Variants in GIGYF2 observed in about 807,000 individuals in gnomAD.
GIGYF2 encodes the protein GRB10-interacting GYF protein 2.
In GIGYF2, 25 loss-of-function variants were observed where a neutral mutation model predicts 208.1. The observed-to-expected ratio is 0.12, with a 90% CI of 0.09 to 0.17. GIGYF2 has a LOEUF of 0.17. Among genes scored for constraint, GIGYF2 ranks in the 10% least tolerant of loss-of-function variants. The pLI is 1.00. For missense variants in GIGYF2, 1,302 were observed against 1,579.4 expected (o/e 0.82, Z 2.98); for synonymous variants, 534 against 543.8 (o/e 0.98, Z 0.25).
rs1267789222 is a variant in GIGYF2 at position 232,860,470 on chromosome 2, A to G, written c.*3610A>G. ...TATAATATATACATATATGTTATATACGTATATATATTGCACCCTACTTTA... is the reference window on the plus strand; with the variant it reads ...TATAATATATACATATATGTTATATGCGTATATATATTGCACCCTACTTTA... On this transcript the variant is annotated 3_prime_UTR_variant, in exon 29 of 29. Coordinates refer to ENST00000373563, the MANE Select transcript of GIGYF2 (RefSeq NM_001103146.3). 6.7e-6 allele frequency: 1 copy of G among 150,306 alleles called. No individual in the cohort carries two copies. The highest frequency in any genetic ancestry group is 1.5e-5 in the Non-Finnish European group (1 of 67,682). 9.3% of individuals were successfully genotyped at this position (150,306 alleles called of 1,614,324 possible). A position where few individuals can be genotyped will look rare whatever the true frequency, so the allele number is the denominator to read the frequency against.
At chr2:232,729,266 C>T (rs1408812282) in intron 2 of GIGYF2, among the ~76,000 whole-genome samples, 1 of 152,132 alleles carries the variant, frequency 6.6e-6, no homozygotes, top group African/African-American at 2.4e-5. Flanking sequence ...AGGTGTGAGG[C>T]ACTGCATCCG....
At chr2:232,710,732 CTT>C (rs199707709) in intron 2 of GIGYF2, among the ~76,000 whole-genome samples, 2,196 of 120,638 alleles carry the variant, frequency 0.018, 62 homozygotes, top group African/African-American at 0.064. Context: ...GAATTTCGCT[CTT>C]GTTTCCCTGG....
intron 8 of GIGYF2, chr2:232,766,979 T>C (rs1040122587): frequency 7.9e-5 from 12 of 152,186 alleles, no homozygotes; most frequent in African/African-American, 2.9e-4. Context: ...TTCTCTTTTT[T>C]TTATTGAAAT....
In GIGYF2 at chr2:232,858,228, G is replaced by T. The variant is rs1574962630; in HGVS notation, c.*1368G>T. 3 of 339,764 alleles carry T rather than the reference G, an allele frequency of 8.8e-6. No homozygotes were observed. The highest frequency in any genetic ancestry group is 7.3e-5 in the South Asian group (3 of 41,134). 21.0% of individuals were successfully genotyped at this position (339,764 alleles called of 1,614,324 possible). The stretch of plus-strand genomic sequence containing the variant: ...TGCGAGAGGTGCTGTGGTCTGGGCA[G>T]CCCCTGGAAAAGCACCTTTGCTGCC... On this transcript the variant is annotated 3_prime_UTR_variant, in exon 29 of 29. Coordinates refer to ENST00000373563, the MANE Select transcript of GIGYF2 (RefSeq NM_001103146.3).
intron 8 of GIGYF2, among the ~76,000 whole-genome samples, chr2:232,785,163 G>A (rs1287448382): frequency 6.6e-6 from 1 of 151,768 alleles, no homozygotes; most frequent in Non-Finnish European, 1.5e-5. Context: ...AATAAACCAA[G>A]GAAAGCCAGA....
rs114460769 is a variant in GIGYF2, at chr2:232,806,582, C to T, written c.1731C>T (p.Phe577=). 9.1e-4 allele frequency: 1,461 copies of T among 1,612,610 alleles called. 11 individuals are homozygous for T. The African/African-American group carries it at 0.018, about 20-fold the overall frequency. The change falls in exon 15 of 29, where the codon TTC becomes TTT. Residue 577 remains phenylalanine (F), a synonymous_variant. Coordinates refer to ENST00000373563, the MANE Select transcript of GIGYF2 (RefSeq NM_001103146.3). The surrounding 1 kb of genome is among the most constrained non-coding windows in gnomAD (Gnocchi z 4.0). The stretch of plus-strand genomic sequence containing the variant: ...TGAAGAGAGCGTGTGATGAAAGCTT[C>T]CAACCTCTTGGCGATATCATGAAAA... The part of the protein sequence containing the change: ...LLVKRACDES[F]QPLGDIMKMW...
chr2:232,807,954 C>T (rs1700609812), intron 15 of GIGYF2, among the ~76,000 whole-genome samples: 5 of 152,192 alleles, frequency 3.3e-5, no homozygotes, highest in Admixed American at 3.3e-4. Flanking sequence ...GGGCCTGTGC[C>T]AGGCCTCGTA....
At chr2:232,836,337 T>A (rs1220750576) in intron 22 of GIGYF2, among the ~76,000 whole-genome samples, 2 of 39,808 alleles carry the variant, frequency 5.0e-5, no homozygotes, top group African/African-American at 1.9e-4. Context: ...TATACATATA[T>A]ATACTTATAT....
At chr2:232,822,268 A>G (rs1485540954) in intron 21 of GIGYF2, among the ~76,000 whole-genome samples, 1 of 152,142 alleles carries the variant, frequency 6.6e-6, no homozygotes, top group African/African-American at 2.4e-5. Flanking sequence ...ATAACTTTCC[A>G]TTTGTTTATG....
chr2:232,757,750 C>G (rs1357321656), intron 6 of GIGYF2, among the ~76,000 whole-genome samples: 1 of 150,730 alleles, frequency 6.6e-6, no homozygotes, highest in African/African-American at 2.5e-5. Flanking sequence ...CTGCAAATAC[C>G]AACCAATCTC....
intron 14 of GIGYF2, among the ~76,000 whole-genome samples, chr2:232,802,523 A>G (rs1227577238): frequency 6.6e-6 from 1 of 152,110 alleles, no homozygotes; most frequent in Non-Finnish European, 1.5e-5. Context: ...TTAATATGGT[A>G]TATTACATTG....
intron 9 of GIGYF2, 116 bp from the exon 10 acceptor site, chr2:232,790,582 G>A: frequency 1.2e-6 from 1 of 852,288 alleles, no homozygotes; most frequent in Non-Finnish European, 2.0e-6. Context: ...TACTAGGTCA[G>A]TCCATTTGAG....
chr2:232,840,653 A>G (rs1329930854), intron 23 of GIGYF2, among the ~76,000 whole-genome samples: 1 of 151,526 alleles, frequency 6.6e-6, no homozygotes, highest in East Asian at 1.9e-4. Context: ...TGACCCTCTG[A>G]TTGAGAAGAG....
At chr2:232,705,111 G>A (rs906620175) in intron 2 of GIGYF2, among the ~76,000 whole-genome samples, 10 of 148,624 alleles carry the variant, frequency 6.7e-5, no homozygotes, top group Non-Finnish European at 1.0e-4. Context: ...CGCCTGCCTC[G>A]GCCTCCCAAA....
intron 13 of GIGYF2, 35 bp downstream of exon 13, chr2:232,794,979 A>G (rs775621618): frequency 2.7e-6 from 4 of 1,462,656 alleles, no homozygotes; most frequent in Non-Finnish European, 3.8e-6. Flanking sequence ...GTCTCCTCTT[A>G]AACTGCCGTA....
chr2:232,829,024 C>G (rs924924776), intron 21 of GIGYF2, among the ~76,000 whole-genome samples: 3 of 152,056 alleles, frequency 2.0e-5, no homozygotes, highest in African/African-American at 4.8e-5. Flanking sequence ...TAATTTTTAT[C>G]TAGTTGTTAT....
rs1434425172 is a variant in GIGYF2, at chr2:232,791,123, A to G, written c.1046A>G (p.Asp349Gly). The G allele has an allele frequency of 2.5e-6, 4 of 1,614,004 alleles. No individual in the cohort carries two copies. Among genetic ancestry groups the G allele is most frequent in the Non-Finnish European group, 3.4e-6 (4 of 1,180,004 alleles). ...GSHNEEAKEP[D>G]KTNKKEGEKT... ...CATAATGAAGAGGCCAAAGAACCCG[A>G]TAAGACAAATAAGAAAGAAGGAGAG... Residue 349 changes from aspartate to glycine, a missense_variant, in exon 11 of 29, where the codon GAT becomes GGT. This residue lies in a region of GIGYF2 where 235 missense variants were observed against 218.8 expected (regional missense o/e 1.07). Transcript: ENST00000373563.
At chr2:232,767,169 A>G (rs1699003087) in intron 8 of GIGYF2, 1 of 152,196 alleles carries the variant, frequency 6.6e-6, no homozygotes, top group Non-Finnish European at 1.5e-5. Context: ...GTGTTTATAG[A>G]AAAAACTATT....
Position 232,797,981 on chromosome 2 carries a change from CAAAAAA to C in GIGYF2, c.1639+1781_1639+1786del, listed in dbSNP as rs57991158. Among the ~76,000 whole-genome samples the C allele has an allele frequency of 7.4e-4, 76 of 102,382 alleles. 2 individuals are homozygous for C. Among genetic ancestry groups the C allele is most frequent in the African/African-American group, 2.8e-3 (74 of 26,754 alleles). 67.2% of individuals were successfully genotyped at this position (102,382 alleles called of 152,430 possible). The stretch of plus-strand genomic sequence containing the variant: ...GTGTGACAGAGTGAGACTGTGCCTC[CAAAAAA>C]AAAAAAAAAAAAAAAAAAAAGATTC... On this transcript the variant is annotated intron_variant, in intron 14 of 28. Coordinates refer to ENST00000373563, the MANE Select transcript of GIGYF2 (RefSeq NM_001103146.3).
Sources: gnomAD v4.1 joint callset for allele counts (sites outside exome capture counted in the v4.1 genomes callset) on GRCh38, gnomAD v4.1.1 for gene constraint, gnomAD v4.1.1 regional missense constraint, Gnocchi (gnomAD v3.1) non-coding constraint, MANE v1.5 for transcripts, NCBI Gene and HGNC (gene_info 2026-07-23, HGNC 2026-07-21) for gene names.